Variants in SCAPER observed in about 807,000 individuals in gnomAD.
SCAPER encodes S phase cyclin A-associated protein in the endoplasmic reticulum.
In SCAPER, 98 loss-of-function variants were observed where a neutral mutation model predicts 182.2. The ratio of observed to expected loss-of-function variants is 0.54; its 90% CI spans 0.46 to 0.64. The LOEUF is 0.64. Among genes scored for constraint, SCAPER ranks in the 30% least tolerant of loss-of-function variants. SCAPER has a pLI of 0.00. For synonymous variants in SCAPER, 605 were observed against 564.6 expected, an observed-to-expected ratio of 1.07 and a Z score of -1.01; for missense variants, 1,432 against 1,690.0, an observed-to-expected ratio of 0.85 and a Z score of 2.68.
chr15:76,608,673 G>C (rs959993744), intron 22 of SCAPER, among the ~76,000 whole-genome samples: 1 of 152,174 alleles, frequency 6.6e-6, no homozygotes, highest in Non-Finnish European at 1.5e-5. Flanking sequence ...TACCCAGTTC[G>C]AGATTCCCGG....
intron 4 of SCAPER, among the ~76,000 whole-genome samples, chr15:76,843,607 T>C (rs2069708836): frequency 6.6e-6 from 1 of 152,128 alleles, no homozygotes; most frequent in Non-Finnish European, 1.5e-5. Context: ...AAAATGTGCA[T>C]AAACTAATGG....
At chr15:76,351,568 C>G (rs2040550940) in intron 30 of SCAPER, among the ~76,000 whole-genome samples, 1 of 152,158 alleles carries the variant, frequency 6.6e-6, no homozygotes, top group Non-Finnish European at 1.5e-5. Flanking sequence ...AATTTACTAT[C>G]TTAAAATATC....
chr15:76,815,027 AT>A (rs2066950704), intron 5 of SCAPER, among the ~76,000 whole-genome samples: 1 of 133,370 alleles, frequency 7.5e-6, no homozygotes, highest in Non-Finnish European at 1.6e-5. Context: ...AACATCAGTA[AT>A]CATCATGGAA....
chr15:76,421,490 T>C (rs1178857371), intron 26 of SCAPER, among the ~76,000 whole-genome samples: 3 of 152,210 alleles, frequency 2.0e-5, no homozygotes, highest in African/African-American at 7.2e-5. Flanking sequence ...CTTGTAAATT[T>C]GTTTGAGTTC....
At chr15:76,859,734 T>C (rs1337896260) in intron 3 of SCAPER, among the ~76,000 whole-genome samples, 2 of 152,004 alleles carry the variant, frequency 1.3e-5, no homozygotes, top group East Asian at 1.9e-4. Flanking sequence ...TTTGTTTTGT[T>C]TTGTTTTGTT....
At chr15:76,382,638 A>G in intron 27 of SCAPER, among the ~76,000 whole-genome samples, 1 of 152,196 alleles carries the variant, frequency 6.6e-6, no homozygotes, top group African/African-American at 2.4e-5. Context: ...ACTCATAGCC[A>G]ATATGCTTCA....
rs770079137 is a variant in SCAPER, at chr15:76,765,585, G to A, written c.1473C>T (p.Asn491=). 33 of 1,592,590 alleles carry A rather than the reference G, an allele frequency of 2.1e-5. No individual in the cohort carries two copies. Among genetic ancestry groups the A allele is most frequent in the Middle Eastern group, 1.7e-4 (1 of 6,060 alleles). The change falls in exon 12 of 32, where the codon AAC becomes AAT. Residue 491 remains asparagine, a synonymous_variant. Coordinates refer to ENST00000563290, the MANE Select transcript of SCAPER (RefSeq NM_020843.4). ...TACCTTCATAATCTGCAAGGACATC[G>A]TTCCAGTCCATGGACATACCACAGA... ...VSFCGMSMDW[N]DVLADYEARE...
intron 29 of SCAPER, among the ~76,000 whole-genome samples, chr15:76,364,139 T>A (rs4886797): frequency 0.97 from 147,982 of 152,324 alleles, 72,020 homozygotes; most frequent in South Asian, 1. Flanking sequence ...TCAAAATCAG[T>A]GCAGAGAAAC....
chr15:76,472,051 G>C (rs2050220185), intron 24 of SCAPER: 1 of 272,624 alleles, frequency 3.7e-6, no homozygotes, highest in African/African-American at 2.2e-5. Context: ...CAGTCTGCCT[G>C]CTGCTGCATT....
intron 16 of SCAPER, among the ~76,000 whole-genome samples, chr15:76,732,245 G>A (rs992397308): frequency 6.6e-6 from 1 of 152,112 alleles, no homozygotes; most frequent in Non-Finnish European, 1.5e-5. Flanking sequence ...GCAAGAGACC[G>A]AGGGCATGAG....
chr15:76,366,312 G>A (rs769963142), intron 29 of SCAPER, among the ~76,000 whole-genome samples: 2 of 152,182 alleles, frequency 1.3e-5, no homozygotes, highest in Non-Finnish European at 1.5e-5. Context: ...TATGAGAACA[G>A]GAGGGTTAAT....
chr15:76,648,075 TACTAAGC>T (rs1487063305), intron 21 of SCAPER, among the ~76,000 whole-genome samples: 1 of 151,460 alleles, frequency 6.6e-6, no homozygotes, highest in Non-Finnish European at 1.5e-5. Flanking sequence ...ATAACAAAAT[TACTAAGC>T]ATAAAAGGCA....
intron 22 of SCAPER, among the ~76,000 whole-genome samples, chr15:76,609,358 G>T (rs945841251): frequency 6.6e-6 from 1 of 151,638 alleles, no homozygotes; most frequent in Non-Finnish European, 1.5e-5. Context: ...GCATGGTGGC[G>T]TGTGCCTGTA....
At chr15:76,676,713 T>G (rs868693077) in intron 20 of SCAPER, among the ~76,000 whole-genome samples, 1 of 151,674 alleles carries the variant, frequency 6.6e-6, no homozygotes, top group Non-Finnish European at 1.5e-5. Flanking sequence ...AAATTTTCAT[T>G]GTATAATGTT....
At chr15:76,426,574 A>G (rs914384024) in intron 26 of SCAPER, among the ~76,000 whole-genome samples, 1 of 152,202 alleles carries the variant, frequency 6.6e-6, no homozygotes, top group Non-Finnish European at 1.5e-5. Context: ...GAGGGCACCA[A>G]TAAATGGAAA....
At chr15:76,762,367 CTTTT>C (rs58117069) in intron 14 of SCAPER, among the ~76,000 whole-genome samples, 1 of 131,702 alleles carries the variant, frequency 7.6e-6, no homozygotes, top group Non-Finnish European at 1.6e-5. Flanking sequence ...TGATTGTGGG[CTTTT>C]TTTTTTTTTT....
At chr15:76,539,796 C>T (rs1394380498) in intron 23 of SCAPER, among the ~76,000 whole-genome samples, 7 of 152,098 alleles carry the variant, frequency 4.6e-5, no homozygotes, top group Admixed American at 2.0e-4. Context: ...CTGCCCGCCT[C>T]GGCCTTCCAA....
chr15:76,400,214 C>A (rs2044365527), intron 27 of SCAPER, among the ~76,000 whole-genome samples: 1 of 152,170 alleles, frequency 6.6e-6, no homozygotes, highest in Non-Finnish European at 1.5e-5. Flanking sequence ...TCACAAGAGG[C>A]AATTTTTGAA....
intron 15 of SCAPER, among the ~76,000 whole-genome samples, chr15:76,740,310 T>C (rs1046800109): frequency 2.6e-5 from 4 of 152,206 alleles, no homozygotes; most frequent in African/African-American, 9.7e-5. Context: ...ACAGTATCTA[T>C]GTAGCTAAGA....
Sources: allele counts gnomAD v4.1 joint callset (sites outside exome capture counted in the v4.1 genomes callset), GRCh38; gene constraint gnomAD v4.1.1; transcripts MANE v1.5; gene names NCBI Gene and HGNC (gene_info 2026-07-23, HGNC 2026-07-21).